Variants in C8orf34 observed in about 807,000 individuals in gnomAD.
C8orf34 encodes uncharacterized protein C8orf34.
Under a neutral mutation model 68.3 loss-of-function variants are expected in C8orf34, and 65 were observed. That is an observed-to-expected ratio of 0.95 (90% CI 0.78 to 1.17). C8orf34 has a LOEUF of 1.17. Among genes scored for constraint, C8orf34 ranks in the 50% most tolerant of loss-of-function variants. C8orf34 has a pLI of 0.00. For missense variants in C8orf34, 664 were observed against 655.4 expected, an observed-to-expected ratio of 1.01 and a Z score of -0.14; for synonymous variants, 244 against 241.2, an observed-to-expected ratio of 1.01 and a Z score of -0.11.
At chr8:68,458,157 A>G (rs1192847584) in intron 3 of C8orf34, among the ~76,000 whole-genome samples, 1 of 152,194 alleles carries the variant, frequency 6.6e-6, no homozygotes, top group African/African-American at 2.4e-5. Context: ...AAAACATCAA[A>G]AGAAATTGGT....
At chr8:68,517,642 C>CA (rs1180205270) in intron 5 of C8orf34, among the ~76,000 whole-genome samples, 1 of 152,170 alleles carries the variant, frequency 6.6e-6, no homozygotes, top group Non-Finnish European at 1.5e-5. Flanking sequence ...ATTTGATTTC[C>CA]TAGTAAGCAA....
chr8:68,351,738 A>C (rs1042657344), intron 1 of C8orf34, among the ~76,000 whole-genome samples: 1 of 152,028 alleles, frequency 6.6e-6, no homozygotes, highest in African/African-American at 2.4e-5. Flanking sequence ...CTGCTGGACT[A>C]TATGGTAAGA....
chr8:68,353,630 A>ATG, intron 1 of C8orf34, among the ~76,000 whole-genome samples: 1 of 114,462 alleles, frequency 8.7e-6, no homozygotes, highest in Non-Finnish European at 1.9e-5. Context: ...AGTTGATTAT[A>ATG]TATATATTAT....
At chr8:68,378,454 G>A (rs946076481) in intron 1 of C8orf34, among the ~76,000 whole-genome samples, 4 of 152,144 alleles carry the variant, frequency 2.6e-5, no homozygotes, top group South Asian at 4.2e-4. Context: ...ATGCTACCAC[G>A]TCCAGCTAAT....
At chr8:68,400,010 G>A (rs762085825) in intron 1 of C8orf34, among the ~76,000 whole-genome samples, 1 of 151,944 alleles carries the variant, frequency 6.6e-6, no homozygotes, top group African/African-American at 2.4e-5. Context: ...GGAATTATTT[G>A]GGGTTTTTGT....
chr8:68,366,698 T>C (rs1373407498), intron 1 of C8orf34, among the ~76,000 whole-genome samples: 2 of 144,426 alleles, frequency 1.4e-5, no homozygotes, highest in African/African-American at 5.2e-5. Context: ...TAGCCATATG[T>C]AGAAAGCTGA....
At chr8:68,739,115 C>T (rs1822205931) in intron 10 of C8orf34, among the ~76,000 whole-genome samples, 1 of 152,136 alleles carries the variant, frequency 6.6e-6, no homozygotes, top group Non-Finnish European at 1.5e-5. Context: ...GGCTTTATCC[C>T]TGGGACGCAT....
intron 1 of C8orf34, among the ~76,000 whole-genome samples, chr8:68,392,330 A>G: frequency 6.6e-6 from 1 of 152,078 alleles, no homozygotes; most frequent in East Asian, 1.9e-4. Context: ...TGATATATAA[A>G]GCTGTTGCTA....
intron 7 of C8orf34, among the ~76,000 whole-genome samples, chr8:68,577,289 C>A (rs1219983038): frequency 6.6e-6 from 1 of 151,898 alleles, no homozygotes; most frequent in East Asian, 1.9e-4. Context: ...TCAATGAGTT[C>A]TATATGCTTC....
At chr8:68,692,349 CAAT>C (rs1444805948) in intron 8 of C8orf34, among the ~76,000 whole-genome samples, 2 of 151,864 alleles carry the variant, frequency 1.3e-5, no homozygotes, top group Non-Finnish European at 2.9e-5. Context: ...ATTTTTTCTT[CAAT>C]AATAAGTTTT....
chr8:68,492,246 T>C (rs1004697623), intron 5 of C8orf34, among the ~76,000 whole-genome samples: 11 of 152,148 alleles, frequency 7.2e-5, no homozygotes, highest in Admixed American at 2.0e-4. Context: ...TTATTTTTAA[T>C]GGAGATGGGG....
intron 8 of C8orf34, among the ~76,000 whole-genome samples, chr8:68,680,227 G>GA (rs557868891): frequency 5.9e-5 from 9 of 151,986 alleles, no homozygotes; most frequent in South Asian, 2.1e-4. Flanking sequence ...GACTCTATAG[G>GA]AAAAAAATCT....
chr8:68,474,405 A>G (rs992648251), intron 4 of C8orf34, among the ~76,000 whole-genome samples: 2 of 151,976 alleles, frequency 1.3e-5, no homozygotes, highest in African/African-American at 4.8e-5. Flanking sequence ...TTCCTCTAAG[A>G]TATGTTTTGA....
intron 1 of C8orf34, among the ~76,000 whole-genome samples, chr8:68,404,887 T>G (rs1809123380): frequency 6.6e-6 from 1 of 152,188 alleles, no homozygotes; most frequent in Non-Finnish European, 1.5e-5. Flanking sequence ...AGTAGTTTTT[T>G]TTCTAATTCT....
intron 10 of C8orf34, among the ~76,000 whole-genome samples, chr8:68,742,727 T>A (rs1822339884): frequency 6.7e-6 from 1 of 150,190 alleles, no homozygotes; most frequent in African/African-American, 2.5e-5. Context: ...CACCAACATC[T>A]TAGAAAAGAA....
At chr8:68,737,009 G>A (rs1465124850) in intron 10 of C8orf34, among the ~76,000 whole-genome samples, 1 of 152,006 alleles carries the variant, frequency 6.6e-6, no homozygotes, top group African/African-American at 2.4e-5. Context: ...TTAAATGTTT[G>A]AGTATGCTGT....
At chr8:68,476,433 G>C (rs974054461) in intron 4 of C8orf34, among the ~76,000 whole-genome samples, 3 of 152,168 alleles carry the variant, frequency 2.0e-5, no homozygotes, top group Admixed American at 6.5e-5. Flanking sequence ...TCCTGGAAGA[G>C]AGAAGCATGT....
At position 68,331,033 on chromosome 8, in the gene C8orf34, G is replaced by T; in HGVS notation, c.21G>T (p.Ser7=). 1 of 1,464,322 alleles carries T rather than the reference G, an allele frequency of 6.8e-7. No individual in the cohort carries two copies. The highest frequency in any genetic ancestry group is 8.9e-7 in the Non-Finnish European group (1 of 1,120,542). The allele number at this position is 1,464,322 out of a possible 1,614,324, so 90.7% of individuals were successfully genotyped here. MSSPLA[S]ELSELAALRP... is the part of the protein sequence containing the mutation. The stretch of plus-strand genomic sequence containing the variant: ...GATGAATGAGTTCTCCCCTCGCCTC[G>T]GAGTTGTCTGAGTTGGCGGCGCTGC... The change falls in exon 1 of 14, where the codon TCG becomes TCT. Residue 7 remains serine, a synonymous_variant. Transcript: ENST00000518698.
chr8:68,514,962 A>G (rs1306175919), intron 5 of C8orf34, among the ~76,000 whole-genome samples: 1 of 152,206 alleles, frequency 6.6e-6, no homozygotes, highest in Non-Finnish European at 1.5e-5. Flanking sequence ...AAACAAAATG[A>G]ACAGGGGGGA....
Sources: gnomAD v4.1 joint callset for allele counts (sites outside exome capture counted in the v4.1 genomes callset) on GRCh38, gnomAD v4.1.1 for gene constraint, MANE v1.5 for transcripts, NCBI Gene and HGNC (gene_info 2026-07-23, HGNC 2026-07-21) for gene names.